ST18: variants seen among roughly 807,000 people sequenced by gnomAD.
ST18 encodes the protein suppression of tumorigenicity 18 protein.
A neutral mutation model predicts 110.0 loss-of-function variants in ST18; 50 were observed. The observed-to-expected ratio is 0.45, with a 90% CI of 0.36 to 0.58. The LOEUF is 0.58. Among genes scored for constraint, ST18 ranks in the 20% least tolerant of loss-of-function variants. ST18 has a pLI of 0.00. For missense variants in ST18, 1,306 were observed against 1,280.1 expected (o/e 1.02, Z -0.31); for synonymous variants, 461 against 452.4 (o/e 1.02, Z -0.24).
At chr8:52,354,642 G>T (rs546041247) in intron 2 of ST18, among the ~76,000 whole-genome samples, 1 of 152,138 alleles carries the variant, frequency 6.6e-6, no homozygotes, top group African/African-American at 2.4e-5. Context: ...GAGCCCTGGA[G>T]CCCTCCAATG....
At chr8:52,274,805 G>A (rs1415698631) in intron 2 of ST18, among the ~76,000 whole-genome samples, 1 of 152,114 alleles carries the variant, frequency 6.6e-6, no homozygotes, top group African/African-American at 2.4e-5. Flanking sequence ...ATAAAAAACG[G>A]TTAATTTCAT....
intron 2 of ST18, among the ~76,000 whole-genome samples, chr8:52,390,843 A>T (rs1839081743): frequency 6.6e-6 from 1 of 152,234 alleles, no homozygotes; most frequent in Non-Finnish European, 1.5e-5. Flanking sequence ...ATTAGGTCCA[A>T]AGGCCACAGG....
At chr8:52,282,214 AAAG>A (rs1247002545) in intron 2 of ST18, among the ~76,000 whole-genome samples, 1 of 152,156 alleles carries the variant, frequency 6.6e-6, no homozygotes, top group Non-Finnish European at 1.5e-5. Flanking sequence ...AGGAGGAAAA[AAAG>A]AAGAAAAAAC....
intron 9 of ST18, among the ~76,000 whole-genome samples, chr8:52,178,863 A>T (rs2068169963): frequency 6.6e-6 from 1 of 151,990 alleles, no homozygotes; most frequent in Non-Finnish European, 1.5e-5. Flanking sequence ...TTAAGCGCAG[A>T]ATTGCAAACT....
intron 2 of ST18, among the ~76,000 whole-genome samples, chr8:52,286,657 G>GTT (rs1439091544): frequency 2.6e-5 from 4 of 151,784 alleles, no homozygotes; most frequent in Admixed American, 6.6e-5. Context: ...TACTGATTAT[G>GTT]TGTGGTCAGG....
chr8:52,227,232 C>T (rs562206648), intron 3 of ST18, among the ~76,000 whole-genome samples: 2 of 152,084 alleles, frequency 1.3e-5, no homozygotes, highest in Non-Finnish European at 2.9e-5. Flanking sequence ...ACCCATTATT[C>T]GTTCAGTACA....
rs115226611 is a variant in ST18 at position 52,273,702 on chromosome 8, T to C, written c.-464-43625A>G. Among the ~76,000 whole-genome samples the C allele has an allele frequency of 1.7e-3, 257 of 152,350 alleles. 2 individuals carry two copies. The highest frequency in any genetic ancestry group is 6.0e-3 in the African/African-American group (250 of 41,594). Reference sequence around the variant, plus strand: ...TAGAACTAATTTAATTTTCCATAAGTTGGTCTATTTGCATTTTGAGTCCCC... The same window carrying C: ...TAGAACTAATTTAATTTTCCATAAGCTGGTCTATTTGCATTTTGAGTCCCC... On this transcript the variant is annotated intron_variant, in intron 2 of 25. Coordinates refer to ENST00000689386, the MANE Select transcript of ST18 (RefSeq NM_001352837.2).
intron 2 of ST18, among the ~76,000 whole-genome samples, chr8:52,357,723 AT>A (rs1564568890): frequency 2.0e-4 from 16 of 78,060 alleles, no homozygotes; most frequent in East Asian, 4.6e-4. Context: ...ATATATATAT[AT>A]ATATATAAAA....
chr8:52,176,061 G>C (rs1216064711), intron 9 of ST18, among the ~76,000 whole-genome samples: 2 of 150,524 alleles, frequency 1.3e-5, no homozygotes, highest in African/African-American at 2.4e-5. Flanking sequence ...TCCCTCTGTC[G>C]CCCAGGCTGG....
chr8:52,271,043 C>T lies in ST18; in HGVS notation c.-464-40966G>A, dbSNP rs529684704. ...CCTCCCGAGTAGCTGGGACTACGGG[C>T]GCCCGCCGCCACGCCCAGCTAATTT... On this transcript the variant is annotated intron_variant, in intron 2 of 25. Coordinates refer to ENST00000689386, the MANE Select transcript of ST18 (RefSeq NM_001352837.2). Among the ~76,000 whole-genome samples the T allele has an allele frequency of 1.2e-4, 18 of 151,954 alleles. 1 individual carries two copies. The South Asian group carries it at 1.7e-3, about 14-fold the overall frequency.
chr8:52,330,806 G>C (rs948802589), intron 2 of ST18, among the ~76,000 whole-genome samples: 2 of 152,196 alleles, frequency 1.3e-5, no homozygotes, highest in African/African-American at 4.8e-5. Context: ...AGCTAGAAAC[G>C]GGCTCCTTGC....
intron 2 of ST18, among the ~76,000 whole-genome samples, chr8:52,309,948 G>A (rs1034196736): frequency 2.4e-4 from 37 of 152,298 alleles, no homozygotes; most frequent in South Asian, 6.2e-4. Context: ...CACGTTCTAT[G>A]TTACGTGCAT....
Position 52,131,961 on chromosome 8 carries a change from C to T in ST18, c.2663G>A (p.Arg888Gln), listed in dbSNP as rs144073708. The change falls in exon 22 of 26, where the codon CGA becomes CAA. Residue 888 changes from arginine to glutamine, a missense_variant. Physicochemically the swap from Arg to Gln is conservative, Grantham distance 43 (BLOSUM62 1). Coordinates refer to ENST00000689386, the MANE Select transcript of ST18 (RefSeq NM_001352837.2). ...GHVNNVFVTHRSLSGCPLNAQ... is the reference protein window; with the variant it reads ...GHVNNVFVTHQSLSGCPLNAQ... Reference sequence around the variant, plus strand: ...AAAGACAGAAAACTCATGTTACCTTCGGTGGGTGACAAAAACATTATTTAC... The same window carrying T: ...AAAGACAGAAAACTCATGTTACCTTTGGTGGGTGACAAAAACATTATTTAC... 8.7e-6 allele frequency: 14 copies of T among 1,613,968 alleles called. No homozygotes were observed. The highest frequency in any genetic ancestry group is 1.6e-4 in the Middle Eastern group (1 of 6,062).
At chr8:52,122,382 G>A (rs1002176918) in intron 23 of ST18, among the ~76,000 whole-genome samples, 4 of 151,936 alleles carry the variant, frequency 2.6e-5, no homozygotes, top group African/African-American at 7.2e-5. Context: ...GAGGCTTTAA[G>A]TACTATAGTT....
intron 2 of ST18, among the ~76,000 whole-genome samples, chr8:52,300,992 G>A (rs1036870672): frequency 6.6e-6 from 1 of 152,168 alleles, no homozygotes; most frequent in African/African-American, 2.4e-5. Context: ...AACTTTCTTT[G>A]AAAGTAAATT....
At chr8:52,226,550 T>A (rs1250282621) in intron 3 of ST18, among the ~76,000 whole-genome samples, 1 of 152,202 alleles carries the variant, frequency 6.6e-6, no homozygotes, top group Non-Finnish European at 1.5e-5. Flanking sequence ...AAGCCCCACA[T>A]AATGAACCTG....
chr8:52,230,137 A>G (rs894373461), intron 2 of ST18, 60 bp from the exon 3 acceptor site: 2 of 152,356 alleles, frequency 1.3e-5, no homozygotes, highest in African/African-American at 4.8e-5. Context: ...AACATAATTA[A>G]ATGGTATTTA....
intron 10 of ST18, 103 bp from the exon 11 acceptor site, chr8:52,167,089 A>C: frequency 7.0e-7 from 1 of 1,418,918 alleles, no homozygotes; most frequent in Non-Finnish European, 9.5e-7. Context: ...ATTCAGTTTT[A>C]CCGTTATAAA....
chr8:52,307,225 TA>T lies in ST18; in HGVS notation c.-464-77149del, dbSNP rs1412579582. On this transcript the variant is annotated intron_variant, in intron 2 of 25. Coordinates refer to ENST00000689386, the MANE Select transcript of ST18 (RefSeq NM_001352837.2). The stretch of plus-strand genomic sequence containing the variant: ...CCAGAGGCAATTCTAGAGCAAAAAT[TA>T]TATGAAATTACCAGTACCCATAAAA... Among the ~76,000 whole-genome samples the T allele has an allele frequency of 3.9e-5, 6 of 152,046 alleles. No homozygotes were observed. The East Asian group carries it at 1.2e-3, about 29-fold the overall frequency.
Sources: allele counts gnomAD v4.1 joint callset (sites outside exome capture counted in the v4.1 genomes callset), GRCh38; gene constraint gnomAD v4.1.1; transcripts MANE v1.5; gene names NCBI Gene and HGNC (gene_info 2026-07-23, HGNC 2026-07-21).